Variants in AHI1 observed in about 807,000 individuals in gnomAD.
The protein encoded by AHI1 is jouberin.
In AHI1, 123 loss-of-function variants were observed where a neutral mutation model predicts 149.3. That is an observed-to-expected ratio of 0.82 (90% CI 0.71 to 0.96). The LOEUF is 0.96. Ranked by LOEUF, AHI1 falls within the 40% of genes least tolerant of loss-of-function variation. The pLI is 0.00. For synonymous variants in AHI1, 475 were observed against 459.8 expected (o/e 1.03, Z -0.42); for missense variants, 1,439 against 1,422.7 (o/e 1.01, Z -0.18).
chr6:135,455,710 T>C (rs1788825464), intron 10 of AHI1, 24 bp downstream of exon 10: 2 of 1,462,228 alleles, frequency 1.4e-6, no homozygotes, highest in Admixed American at 2.0e-5. Context: ...TCGTTTAATT[T>C]GAATTGGTCC....
chr6:135,331,685 C>T (rs1788621111), intron 24 of AHI1, among the ~76,000 whole-genome samples: 1 of 152,164 alleles, frequency 6.6e-6, no homozygotes, highest in Non-Finnish European at 1.5e-5. Context: ...GTTCGTAATA[C>T]CTCCAAGTCA....
chr6:135,472,018 C>CAAAAAAA lies in AHI1; in HGVS notation c.136-4391_136-4385dup, dbSNP rs541390652. 5.8e-3 allele frequency among the ~76,000 whole-genome samples: 315 copies of CAAAAAAA among 54,426 alleles called. 46 individuals carry two copies. The highest frequency in any genetic ancestry group is 9.0e-3 in the East Asian group (12 of 1,332). 35.7% of individuals were successfully genotyped at this position (54,426 alleles called of 152,430 possible). ...TGGGCGACAGAGCGAGACTCCGTCT[C>CAAAAAAA]AAAAAAAAAAAAAAAAAAAAAAAAA... On this transcript the variant is annotated intron_variant, in intron 5 of 28. Coordinates refer to ENST00000265602, the MANE Select transcript of AHI1 (RefSeq NM_001134831.2).
chr6:135,446,325 G>A (rs1490472069), intron 13 of AHI1, among the ~76,000 whole-genome samples: 6 of 152,164 alleles, frequency 3.9e-5, no homozygotes, highest in Admixed American at 2.0e-4. Context: ...CAACAGGGGC[G>A]TGCATGCACA....
chr6:135,456,663 T>A (rs975952603), intron 9 of AHI1, among the ~76,000 whole-genome samples: 1 of 152,278 alleles, frequency 6.6e-6, no homozygotes, highest in Non-Finnish European at 1.5e-5. Flanking sequence ...GTGAATGGGC[T>A]TTTTTTGGAC....
At chr6:135,341,783 A>G (rs749454089) in intron 24 of AHI1, among the ~76,000 whole-genome samples, 7 of 151,910 alleles carry the variant, frequency 4.6e-5, no homozygotes, top group Non-Finnish European at 1.0e-4. Context: ...AAAACACGAT[A>G]CCAATATGTA....
At chr6:135,294,004 G>A (rs902883188) in intron 27 of AHI1, among the ~76,000 whole-genome samples, 1 of 152,112 alleles carries the variant, frequency 6.6e-6, no homozygotes, top group Non-Finnish European at 1.5e-5. Context: ...TTAAAATAAT[G>A]TGGTAGTAGC....
chr6:135,434,051 T>C (rs182072339), intron 15 of AHI1, among the ~76,000 whole-genome samples: 27 of 152,172 alleles, frequency 1.8e-4, no homozygotes, highest in Non-Finnish European at 3.5e-4. Flanking sequence ...TATATAAGTG[T>C]GAAGCATTGG....
chr6:135,346,898 C>G (rs1174953376), intron 24 of AHI1, among the ~76,000 whole-genome samples: 1 of 152,168 alleles, frequency 6.6e-6, no homozygotes, highest in East Asian at 1.9e-4. Flanking sequence ...CCCTTTCTTC[C>G]CACCAAACCC....
intron 24 of AHI1, among the ~76,000 whole-genome samples, chr6:135,350,493 G>A (rs1050485662): frequency 2.0e-5 from 3 of 152,136 alleles, no homozygotes; most frequent in Non-Finnish European, 2.9e-5. Flanking sequence ...TCTACTGAAG[G>A]CCTATAAGTA....
At chr6:135,359,263 C>A (rs1287885906) in intron 23 of AHI1, among the ~76,000 whole-genome samples, 1 of 152,150 alleles carries the variant, frequency 6.6e-6, no homozygotes, top group Admixed American at 6.5e-5. Flanking sequence ...CACTATACTA[C>A]CTTCATTCAA....
intron 20 of AHI1, among the ~76,000 whole-genome samples, chr6:135,412,591 G>A (rs75568637): frequency 6.6e-6 from 1 of 152,254 alleles, no homozygotes; most frequent in Non-Finnish European, 1.5e-5. Context: ...TAGCATCTGT[G>A]CTGCACTTTG....
intron 13 of AHI1, among the ~76,000 whole-genome samples, 200 bp downstream of exon 13, chr6:135,446,808 T>C (rs2128055773): frequency 6.6e-6 from 1 of 152,318 alleles, no homozygotes; most frequent in Middle Eastern, 3.4e-3. Context: ...GCCCAAAGAA[T>C]GTAAGATAGT....
At chr6:135,446,983 A>C in intron 13 of AHI1, 25 bp downstream of exon 13, 1 of 1,589,886 alleles carries the variant, frequency 6.3e-7, no homozygotes, top group Non-Finnish European at 8.6e-7. Flanking sequence ...CATCTAAATA[A>C]ATCCACTATT....
chr6:135,478,618 A>T lies in AHI1; in HGVS notation c.136-10984T>A, dbSNP rs572729789. ...ATATTTAAAAGGGAAGCAGAGCACG[A>T]AAGTTTGGAAAATTTGCAGCCTGAT... is the stretch of plus-strand genomic sequence containing the variant. On this transcript the variant is annotated intron_variant, in intron 5 of 28. Transcript: ENST00000265602. Among the ~76,000 whole-genome samples, 4 of 152,254 alleles carry T rather than the reference A, an allele frequency of 2.6e-5. No individual in the cohort carries two copies. In the East Asian group the frequency reaches 7.7e-4, roughly 29 times the overall value.
intron 27 of AHI1, among the ~76,000 whole-genome samples, chr6:135,295,161 A>G (rs1012885700): frequency 2.6e-5 from 4 of 152,250 alleles, no homozygotes; most frequent in Non-Finnish European, 5.9e-5. Context: ...AGGTAAGCAC[A>G]TCAAAGGATG....
At chr6:135,362,468 C>T (rs1794051630) in intron 23 of AHI1, among the ~76,000 whole-genome samples, 1 of 152,114 alleles carries the variant, frequency 6.6e-6, no homozygotes, top group African/African-American at 2.4e-5. Context: ...AGTGGTTGTA[C>T]TAGTTCATGT....
intron 18 of AHI1, 82 bp downstream of exon 18, chr6:135,429,800 C>T (rs1784393570): frequency 1.2e-6 from 1 of 859,598 alleles, no homozygotes. Context: ...TAGTTGAGAA[C>T]CACTACCGAA....
chr6:135,370,533 T>C (rs1175846789), intron 23 of AHI1, among the ~76,000 whole-genome samples: 1 of 152,242 alleles, frequency 6.6e-6, no homozygotes, highest in South Asian at 2.1e-4. Context: ...GCTCTGATTA[T>C]AGAAGGCTTG....
intron 26 of AHI1, among the ~76,000 whole-genome samples, chr6:135,317,952 C>T (rs1786226747): frequency 6.6e-6 from 1 of 152,200 alleles, no homozygotes; most frequent in South Asian, 2.1e-4. Flanking sequence ...TTAAACCTTT[C>T]TACCAAAGTA....
Sources: gnomAD v4.1 joint callset for allele counts (sites outside exome capture counted in the v4.1 genomes callset) on GRCh38, gnomAD v4.1.1 for gene constraint, MANE v1.5 for transcripts, NCBI Gene and HGNC (gene_info 2026-07-23, HGNC 2026-07-21) for gene names.